Variants in PREX1 observed in about 807,000 individuals in gnomAD.
PREX1 encodes the protein phosphatidylinositol 3,4,5-trisphosphate-dependent Rac exchanger 1 protein.
PREX1 carries 41 observed loss-of-function variants against 198.3 expected under a neutral mutation model. The observed-to-expected ratio is 0.21, with a 90% CI of 0.16 to 0.27. The LOEUF is 0.27. Among genes scored for constraint, PREX1 ranks in the 10% least tolerant of loss-of-function variants. PREX1 has a pLI of 1.00. For missense variants in PREX1, 1,620 were observed against 2,200.7 expected (o/e 0.74, Z 5.28); for synonymous variants, 843 against 887.2 (o/e 0.95, Z 0.89).
the PREX1 span, among the ~76,000 whole-genome samples, chr20:48,840,877 C>A: frequency 1.3e-5 from 2 of 151,942 alleles, no homozygotes; most frequent in Admixed American, 1.3e-4. Context: ...GGCTGGAGTG[C>A]AGTGGCATGA....
the PREX1 span, among the ~76,000 whole-genome samples, chr20:48,869,231 C>T: frequency 6.6e-6 from 1 of 151,994 alleles, no homozygotes; most frequent in Non-Finnish European, 1.5e-5. Flanking sequence ...TTTACAGTTG[C>T]ACAGCTGTAT....
chr20:48,671,937 C>T (rs566165895), intron 14 of PREX1, among the ~76,000 whole-genome samples: 9 of 152,328 alleles, frequency 5.9e-5, no homozygotes, highest in East Asian at 1.9e-4. Context: ...AGCCTTTGCT[C>T]GACATCCTCC....
the PREX1 span, among the ~76,000 whole-genome samples, chr20:48,861,727 C>A: frequency 2.0e-5 from 3 of 152,184 alleles, no homozygotes; most frequent in East Asian, 5.8e-4. Flanking sequence ...TAACTCCAAC[C>A]CTGGATTCCT....
the PREX1 span, among the ~76,000 whole-genome samples, chr20:48,853,861 C>T: frequency 3.3e-5 from 5 of 151,764 alleles, no homozygotes. Context: ...GCCCTGCAGA[C>T]CTTGGGTGGT....
At chr20:48,796,483 G>A (rs886073656) in intron 1 of PREX1, among the ~76,000 whole-genome samples, 3 of 152,098 alleles carry the variant, frequency 2.0e-5, no homozygotes, top group African/African-American at 7.2e-5. Context: ...CAGACTATCT[G>A]AAGGGGCCTG....
At chr20:48,744,263 G>A (rs1455134862) in intron 3 of PREX1, among the ~76,000 whole-genome samples, 1 of 152,162 alleles carries the variant, frequency 6.6e-6, no homozygotes. Flanking sequence ...CACCCCAGCT[G>A]AGAAGCTCTG....
chr20:48,758,253 GT>G (rs2090163524), intron 1 of PREX1, among the ~76,000 whole-genome samples: 1 of 152,212 alleles, frequency 6.6e-6, no homozygotes, highest in South Asian at 2.1e-4. Flanking sequence ...CAGGGAGTCT[GT>G]ACATCAGCCC....
At chr20:48,811,726 A>G (rs2090437545) in intron 1 of PREX1, among the ~76,000 whole-genome samples, 1 of 152,146 alleles carries the variant, frequency 6.6e-6, no homozygotes, top group Non-Finnish European at 1.5e-5. Context: ...ACCTGGATAC[A>G]CACACACACC....
chr20:48,640,295 T>G (rs909995550), intron 29 of PREX1, among the ~76,000 whole-genome samples: 1 of 152,170 alleles, frequency 6.6e-6, no homozygotes, highest in African/African-American at 2.4e-5. Context: ...TCCCTTTCCC[T>G]ACACAGAGGA....
rs545719266 is a variant in PREX1 at position 48,750,718 on chromosome 20, G to A, written c.220-2838C>T. ...GCAAACTCCTATCTTCCCATCTTGC[G>A]TTAGGAGCTCATTTGACAGATGAGG... On this transcript the variant is annotated intron_variant, in intron 1 of 39. Transcript: ENST00000371941. 5.3e-5 allele frequency among the ~76,000 whole-genome samples: 8 copies of A among 152,284 alleles called. No homozygotes were observed. The East Asian group carries it at 5.8e-4, about 11-fold the overall frequency.
At chr20:48,641,182 C>CA in intron 29 of PREX1, among the ~76,000 whole-genome samples, 1 of 152,250 alleles carries the variant, frequency 6.6e-6, no homozygotes, top group South Asian at 2.1e-4. Context: ...TCAATCATTT[C>CA]AAGAAGAAAG....
At chr20:48,873,714 C>G in the PREX1 span, among the ~76,000 whole-genome samples, 1 of 151,672 alleles carries the variant, frequency 6.6e-6, no homozygotes, top group Admixed American at 6.6e-5. Flanking sequence ...TAGCGAGACT[C>G]TGTCTCAAAA....
chr20:48,651,674 G>A lies in PREX1; in HGVS notation c.2468-91C>T, dbSNP rs2089499182. The stretch of plus-strand genomic sequence containing the variant: ...GATTCTGGAGGAAGCCTTCCAGGCA[G>A]TGGGAACAGCAAGTGCAAAGGCCCC... On this transcript the variant is annotated intron_variant, in intron 21 of 39. Coordinates refer to ENST00000371941, the MANE Select transcript of PREX1 (RefSeq NM_020820.4). 5 of 1,308,606 alleles carry A rather than the reference G, an allele frequency of 3.8e-6. No homozygotes were observed. In the South Asian group the frequency reaches 5.7e-5, roughly 15 times the overall value. 81.1% of individuals were successfully genotyped at this position (1,308,606 alleles called of 1,614,324 possible).
At chr20:48,881,009 A>AG in the PREX1 span, among the ~76,000 whole-genome samples, 2 of 147,360 alleles carry the variant, frequency 1.4e-5, no homozygotes, top group Non-Finnish European at 3.0e-5. Context: ...AAAAAAAAAA[A>AG]GCTTCTTTTC....
intron 1 of PREX1, among the ~76,000 whole-genome samples, chr20:48,790,445 G>A (rs117561371): frequency 2.0e-3 from 300 of 152,164 alleles, no homozygotes; most frequent in Middle Eastern, 0.014. Context: ...AAAGGAGGGT[G>A]GAGGGCTGCA....
chr20:48,807,894 G>A (rs533973108), intron 1 of PREX1, among the ~76,000 whole-genome samples: 2 of 152,136 alleles, frequency 1.3e-5, no homozygotes, highest in Non-Finnish European at 2.9e-5. Context: ...AGGCTAGAGG[G>A]GTGTGGGGGA....
intron 13 of PREX1, among the ~76,000 whole-genome samples, 186 bp downstream of exon 13, chr20:48,679,174 T>C (rs1008998332): frequency 1.3e-5 from 2 of 152,166 alleles, no homozygotes; most frequent in Non-Finnish European, 2.9e-5. Context: ...CCTGCATCAC[T>C]ACACTGCAGT....
chr20:48,755,736 A>G (rs777610009), intron 1 of PREX1, among the ~76,000 whole-genome samples: 1 of 152,246 alleles, frequency 6.6e-6, no homozygotes, highest in African/African-American at 2.4e-5. Flanking sequence ...ATAAACTTTC[A>G]TCACATTTAA....
At chr20:48,801,275 A>G (rs2090385537) in intron 1 of PREX1, among the ~76,000 whole-genome samples, 2 of 152,216 alleles carry the variant, frequency 1.3e-5, no homozygotes, top group East Asian at 3.8e-4. Context: ...CTCCTCTTTC[A>G]GCAACTCTCC....
Sources: allele counts gnomAD v4.1 joint callset (sites outside exome capture counted in the v4.1 genomes callset), GRCh38; gene constraint gnomAD v4.1.1; transcripts MANE v1.5; gene names NCBI Gene and HGNC (gene_info 2026-07-23, HGNC 2026-07-21).